HEATR5A: variants seen among roughly 807,000 people sequenced by gnomAD.
HEATR5A encodes the protein HEAT repeat containing 5A.
In HEATR5A, 178 loss-of-function variants were observed where a neutral mutation model predicts 218.8. The observed-to-expected ratio is 0.81, with a 90% CI of 0.72 to 0.92. The LOEUF (loss-of-function observed/expected upper bound fraction) is 0.92, where lower values mean the gene tolerates loss of function less well. HEATR5A is among the 40% of genes least tolerant of loss of function. The pLI is 0.00. For missense variants in HEATR5A, 2,420 were observed against 2,418.9 expected, an observed-to-expected ratio of 1.00 and a Z score of -0.01; for synonymous variants, 864 against 871.6, an observed-to-expected ratio of 0.99 and a Z score of 0.15.
chr14:31,416,656 C>T (rs562474271), intron 1 of HEATR5A, among the ~76,000 whole-genome samples: 1 of 151,866 alleles, frequency 6.6e-6, no homozygotes, highest in African/African-American at 2.4e-5. Flanking sequence ...GATATATACT[C>T]CTGTTTCAAT....
chr14:31,398,524 T>C (rs969996994), intron 4 of HEATR5A, 149 bp downstream of exon 4: 12 of 552,416 alleles, frequency 2.2e-5, no homozygotes, highest in East Asian at 1.2e-4. Flanking sequence ...GTACATACAG[T>C]GCATCACCTA....
intron 16 of HEATR5A, among the ~76,000 whole-genome samples, chr14:31,354,739 C>T (rs1267374636): frequency 2.6e-5 from 4 of 152,072 alleles, no homozygotes. Flanking sequence ...ATACATTTTA[C>T]ATTATAAACC....
chr14:31,309,315 C>A (rs765064509), intron 28 of HEATR5A, 133 bp from the exon 29 acceptor site: 3 of 871,408 alleles, frequency 3.4e-6, no homozygotes, highest in Non-Finnish European at 5.2e-6. Flanking sequence ...GTTCCCTATA[C>A]CCTAAGGCAA....
At chr14:31,411,419 G>A (rs1272638471) in intron 1 of HEATR5A, among the ~76,000 whole-genome samples, 7 of 151,928 alleles carry the variant, frequency 4.6e-5, no homozygotes, top group African/African-American at 1.4e-4. Context: ...CTTAATGGGA[G>A]GAAAAAAAAG....
At chr14:31,320,438 G>A in intron 25 of HEATR5A, 1 of 1,333,992 alleles carries the variant, frequency 7.5e-7, no homozygotes. Flanking sequence ...AAACTTGGCG[G>A]CTGTGTCAGT....
chr14:31,341,354 T>G (rs17660955), intron 21 of HEATR5A, among the ~76,000 whole-genome samples: 42,284 of 151,846 alleles, frequency 0.28, 7,054 homozygotes, highest in Non-Finnish European at 0.38. Flanking sequence ...TACCCTTTTT[T>G]GATTTGGGAA....
Position 31,369,608 on chromosome 14 carries a change from C to CAAAAAA in HEATR5A, c.1961+2196_1961+2201dup, listed in dbSNP as rs71430951. On this transcript the variant is annotated intron_variant, in intron 13 of 35. Transcript: ENST00000543095. ...CCTGGGCAACAGAGCAAAACTGTCT[C>CAAAAAA]AAAAAAAAAAAAAAAAAAAAAAAAA... 2.5e-3 allele frequency among the ~76,000 whole-genome samples: 111 copies of CAAAAAA among 45,144 alleles called. 1 individual carries two copies. The highest frequency in any genetic ancestry group is 9.8e-3 in the African/African-American group (105 of 10,698). The allele number at this position is 45,144 out of a possible 152,430, so 29.6% of individuals were successfully genotyped here.
chr14:31,394,553 C>T (rs1275774128), intron 5 of HEATR5A, among the ~76,000 whole-genome samples: 4 of 152,082 alleles, frequency 2.6e-5, no homozygotes, highest in Non-Finnish European at 5.9e-5. Flanking sequence ...CGGAGGCTCA[C>T]ACCTGTAATC....
chr14:31,382,204 A>T (rs538896329), intron 10 of HEATR5A, among the ~76,000 whole-genome samples: 28 of 152,260 alleles, frequency 1.8e-4, no homozygotes, highest in Non-Finnish European at 3.8e-4. Flanking sequence ...TTGAATGACA[A>T]GTCTTTGCTT....
At chr14:31,392,894 G>GA in intron 6 of HEATR5A, among the ~76,000 whole-genome samples, 1 of 152,186 alleles carries the variant, frequency 6.6e-6, no homozygotes, top group East Asian at 1.9e-4. Flanking sequence ...ACTCCTTAGA[G>GA]AAATGGCTAA....
chr14:31,375,093 T>G (rs1208538938), intron 11 of HEATR5A, 125 bp from the exon 12 acceptor site: 31 of 790,908 alleles, frequency 3.9e-5, no homozygotes, highest in Non-Finnish European at 9.9e-6. Flanking sequence ...TTGTCCCCTT[T>G]CTTATCTTCA....
At chr14:31,360,953 G>A (rs1013206310) in intron 14 of HEATR5A, among the ~76,000 whole-genome samples, 1 of 152,070 alleles carries the variant, frequency 6.6e-6, no homozygotes, top group Non-Finnish European at 1.5e-5. Flanking sequence ...TACACACGGT[G>A]CTTGGCTTAC....
At chr14:31,397,176 A>C (rs982874871) in intron 4 of HEATR5A, among the ~76,000 whole-genome samples, 8 of 152,140 alleles carry the variant, frequency 5.3e-5, no homozygotes, top group African/African-American at 1.9e-4. Context: ...CTTAAAATTT[A>C]ACCTATTTTT....
Position 31,298,383 on chromosome 14 carries a change from AAAC to A in HEATR5A, c.5465-2323_5465-2321del, listed in dbSNP as rs373463191. On this transcript the variant is annotated intron_variant, in intron 33 of 35. Transcript: ENST00000543095. ...GCCTAATTCCCTGATACACATCCAA[AAAC>A]AACAACAACAAAACACAACCCATTT... Among the ~76,000 whole-genome samples the A allele has an allele frequency of 2.1e-4, 32 of 152,306 alleles. No individual in the cohort carries two copies. In the South Asian group the frequency reaches 2.3e-3, roughly 11 times the overall value.
chr14:31,312,497 C>T (rs1318597109), intron 28 of HEATR5A, among the ~76,000 whole-genome samples: 1 of 151,256 alleles, frequency 6.6e-6, no homozygotes, highest in African/African-American at 2.4e-5. Flanking sequence ...ACTGCAACTT[C>T]AGCCTCCCGG....
Position 31,349,280 on chromosome 14 carries a change from C to T in HEATR5A, c.2708+509G>A, listed in dbSNP as rs148144135. Among the ~76,000 whole-genome samples the T allele has an allele frequency of 5.5e-3, 837 of 152,068 alleles. 9 individuals are homozygous for T. The highest frequency in any genetic ancestry group is 0.019 in the African/African-American group (780 of 41,474). The stretch of plus-strand genomic sequence containing the variant: ...GCACATGCCTGTAATCCCAGCTACT[C>T]GCGAGGCTGAGGCTGATGGCGTGAA... On this transcript the variant is annotated intron_variant, in intron 18 of 35. Coordinates refer to ENST00000543095, the MANE Select transcript of HEATR5A (RefSeq NM_015473.4).
At chr14:31,355,156 G>A (rs2378852) in intron 16 of HEATR5A, among the ~76,000 whole-genome samples, 128,436 of 152,246 alleles carry the variant, frequency 0.84, 55,105 homozygotes, top group Non-Finnish European at 0.93. Flanking sequence ...GCTTACACCT[G>A]TAATCCCAGG....
Position 31,402,831 on chromosome 14 carries a change from A to G in HEATR5A, c.126+19T>C. 6.5e-7 allele frequency: 1 copy of G among 1,535,888 alleles called. No homozygotes were observed. The highest frequency in any genetic ancestry group is 8.7e-7 in the Non-Finnish European group (1 of 1,146,582). On this transcript the variant is annotated intron_variant, in intron 2 of 35. Coordinates refer to ENST00000543095, the MANE Select transcript of HEATR5A (RefSeq NM_015473.4). ...CATGGGCACTTAAACAAAAAAACAG[A>G]TGTTGTCATTTTACCCACCCTGCTG...
At chr14:31,309,530 T>C (rs1490958383) in intron 28 of HEATR5A, among the ~76,000 whole-genome samples, 3 of 152,226 alleles carry the variant, frequency 2.0e-5, no homozygotes, top group Admixed American at 1.3e-4. Flanking sequence ...GTACAACTGA[T>C]AGGTCATAGG....
Sources: gnomAD v4.1 joint callset for allele counts (sites outside exome capture counted in the v4.1 genomes callset) on GRCh38, gnomAD v4.1.1 for gene constraint, MANE v1.5 for transcripts, NCBI Gene and HGNC (gene_info 2026-07-23, HGNC 2026-07-21) for gene names.